The following RBFOX3 variants were observed in gnomAD, a reference collection of about 807,000 sequenced individuals.
RBFOX3 encodes RNA binding protein fox-1 homolog 3.
A neutral mutation model predicts 48.7 loss-of-function variants in RBFOX3; 17 were observed. The ratio of observed to expected loss-of-function variants is 0.35; its 90% CI spans 0.24 to 0.52. The LOEUF (loss-of-function observed/expected upper bound fraction) is 0.52. Ranked by LOEUF, RBFOX3 falls within the 20% of genes least tolerant of loss-of-function variation. The pLI, the probability that RBFOX3 is intolerant of heterozygous loss-of-function variation, is 0.94. For missense variants in RBFOX3, 382 were observed against 497.5 expected, an observed-to-expected ratio of 0.77 and a Z score of 2.21; for synonymous variants, 212 against 209.5, an observed-to-expected ratio of 1.01 and a Z score of -0.10.
At chr17:79,459,443 G>C (rs1307282182) in intron 2 of RBFOX3, among the ~76,000 whole-genome samples, 2 of 152,188 alleles carry the variant, frequency 1.3e-5, no homozygotes, top group Non-Finnish European at 2.9e-5. Context: ...AGTGTGACCA[G>C]ATGGTACAGA....
intron 4 of RBFOX3, among the ~76,000 whole-genome samples, chr17:79,135,534 G>T (rs1430693134): frequency 6.6e-6 from 1 of 152,188 alleles, no homozygotes; most frequent in Non-Finnish European, 1.5e-5. Context: ...CCAACAGGGG[G>T]GCATCTGAGC....
intron 2 of RBFOX3, among the ~76,000 whole-genome samples, chr17:79,430,640 G>T (rs2068264297): frequency 6.6e-6 from 1 of 152,204 alleles, no homozygotes; most frequent in South Asian, 2.1e-4. Context: ...CCGCCTCCGG[G>T]TTCAAGCGAT....
intron 4 of RBFOX3, among the ~76,000 whole-genome samples, chr17:79,166,770 G>C (rs1179585728): frequency 1.3e-5 from 2 of 152,194 alleles, no homozygotes; most frequent in Non-Finnish European, 2.9e-5. Context: ...GGGCTCAGTG[G>C]GAGAATCGAA....
At chr17:79,597,336 G>A (rs1423015288) in intron 1 of RBFOX3, among the ~76,000 whole-genome samples, 2 of 152,172 alleles carry the variant, frequency 1.3e-5, no homozygotes, top group African/African-American at 4.8e-5. Context: ...AGTGTTGGCC[G>A]GGTAAGATGG....
chr17:79,452,655 A>G (rs1406654630), intron 2 of RBFOX3, among the ~76,000 whole-genome samples: 1 of 152,126 alleles, frequency 6.6e-6, no homozygotes, highest in Non-Finnish European at 1.5e-5. Context: ...CTCCAGGAAG[A>G]AAGAAGCCAC....
At position 79,103,934 on chromosome 17, in the gene RBFOX3, G is replaced by A. The variant is rs1450025594; in HGVS notation, c.414+139C>T. On this transcript the variant is annotated intron_variant, in intron 7 of 14. Transcript: ENST00000693108. The surrounding 1 kb of genome is among the most constrained non-coding windows in gnomAD (Gnocchi z 6.1). ...GGGGGCGGGGCGGGTGGGGGCGGAA[G>A]AGCGGGGAATACAAGCACCCGTGTC... 11 of 701,442 alleles carry A rather than the reference G, an allele frequency of 1.6e-5. No homozygotes were observed. Among genetic ancestry groups the A allele is most frequent in the South Asian group, 1.5e-4 (9 of 58,126 alleles). 43.5% of individuals were successfully genotyped at this position (701,442 alleles called of 1,614,324 possible).
At chr17:79,609,679 G>A (rs1204445296) in intron 1 of RBFOX3, among the ~76,000 whole-genome samples, 1 of 118,406 alleles carries the variant, frequency 8.4e-6, no homozygotes, top group African/African-American at 3.2e-5. Context: ...CGTGATACCA[G>A]GGATCCCAGG....
chr17:79,544,338 G>A (rs538059696), intron 1 of RBFOX3, among the ~76,000 whole-genome samples: 3 of 152,254 alleles, frequency 2.0e-5, no homozygotes, highest in African/African-American at 7.2e-5. Context: ...TTGGGCACTC[G>A]CTGTGGGCTG....
At chr17:79,376,437 G>A (rs1044422013) in intron 2 of RBFOX3, among the ~76,000 whole-genome samples, 1 of 152,158 alleles carries the variant, frequency 6.6e-6, no homozygotes, top group Non-Finnish European at 1.5e-5. Flanking sequence ...TGCAGATACT[G>A]GGGAGACTGG....
intron 2 of RBFOX3, among the ~76,000 whole-genome samples, chr17:79,428,925 T>C (rs2067901873): frequency 6.6e-6 from 1 of 152,246 alleles, no homozygotes; most frequent in African/African-American, 2.4e-5. Context: ...CCTTGCTCCA[T>C]GGACAGAGTT....
intron 3 of RBFOX3, among the ~76,000 whole-genome samples, chr17:79,296,735 C>T (rs965812088): frequency 2.7e-5 from 4 of 147,724 alleles, no homozygotes; most frequent in Non-Finnish European, 4.5e-5. Flanking sequence ...CCTGTCTTCT[C>T]CTCTTCTTGT....
intron 2 of RBFOX3, among the ~76,000 whole-genome samples, chr17:79,416,130 G>T (rs139162575): frequency 1.3e-5 from 2 of 152,214 alleles, no homozygotes; most frequent in Non-Finnish European, 2.9e-5. Context: ...CTGCCCACAG[G>T]TGCCCCCACA....
rs1299339132 is a variant in RBFOX3 at position 79,097,245 on chromosome 17, C to G, written c.755+47G>C. The G allele has an allele frequency of 2.7e-6, 4 of 1,473,628 alleles. No individual in the cohort carries two copies. The Admixed American group carries it at 8.4e-5, about 31-fold the overall frequency. 91.3% of individuals were successfully genotyped at this position (1,473,628 alleles called of 1,614,324 possible). On this transcript the variant is annotated intron_variant, in intron 11 of 14. Transcript: ENST00000693108. ...AGGGCCTCCCCATTTCCCTCCTCCC[C>G]GCCGTCCTACCCCCTCCTCCACGCC...
chr17:79,536,824 C>T (rs2088845594), intron 1 of RBFOX3, among the ~76,000 whole-genome samples: 1 of 152,190 alleles, frequency 6.6e-6, no homozygotes, highest in South Asian at 2.1e-4. Context: ...CGGAGGCTAA[C>T]ACTGTAATCC....
chr17:79,496,522 C>A (rs1254029379), intron 1 of RBFOX3, among the ~76,000 whole-genome samples: 1 of 152,212 alleles, frequency 6.6e-6, no homozygotes, highest in Non-Finnish European at 1.5e-5. Context: ...CAAGAGAATT[C>A]CCCAGATAGT....
At chr17:79,136,603 A>G (rs1399931462) in intron 4 of RBFOX3, among the ~76,000 whole-genome samples, 1 of 152,130 alleles carries the variant, frequency 6.6e-6, no homozygotes, top group Admixed American at 6.5e-5. Flanking sequence ...TCTCTCGCCC[A>G]AGCTCTGTTG....
At chr17:79,618,778 C>A in the RBFOX3 span, among the ~76,000 whole-genome samples, 1 of 152,150 alleles carries the variant, frequency 6.6e-6, no homozygotes, top group Non-Finnish European at 1.5e-5. Context: ...GTAGGCAAAG[C>A]GTCTGAATGT....
intron 3 of RBFOX3, among the ~76,000 whole-genome samples, chr17:79,302,988 G>A (rs536883391): frequency 9.9e-5 from 15 of 152,248 alleles, no homozygotes; most frequent in Middle Eastern, 3.4e-3. Context: ...AGGATTTCTC[G>A]AGCCCGGGAG....
chr17:79,351,666 A>G (rs1338171922), intron 2 of RBFOX3, among the ~76,000 whole-genome samples: 1 of 151,936 alleles, frequency 6.6e-6, no homozygotes, highest in African/African-American at 2.4e-5. Context: ...TCCTTTGCCT[A>G]TTTTTAAAAG....
Sources: allele counts gnomAD v4.1 joint callset (sites outside exome capture counted in the v4.1 genomes callset), GRCh38; gene constraint gnomAD v4.1.1; non-coding constraint Gnocchi (gnomAD v3.1); transcripts MANE v1.5; gene names NCBI Gene and HGNC (gene_info 2026-07-23, HGNC 2026-07-21).